LRP5: variants seen among roughly 807,000 people sequenced by gnomAD.
LRP5 encodes the protein LDL receptor related protein 5.
In LRP5, 62 loss-of-function variants were observed where a neutral mutation model predicts 154.1. That is an observed-to-expected ratio of 0.40 (90% CI 0.33 to 0.50). The LOEUF is 0.50. Ranked by LOEUF, LRP5 falls within the 20% of genes least tolerant of loss-of-function variation. The pLI is 0.55. For synonymous variants in LRP5, 966 were observed against 1,011.5 expected (o/e 0.96, Z 0.85); for missense variants, 1,915 against 2,336.7 (o/e 0.82, Z 3.72).
intron 21 of LRP5, among the ~76,000 whole-genome samples, chr11:68,446,200 G>A (rs2098681351): frequency 6.6e-6 from 1 of 152,194 alleles, no homozygotes; most frequent in African/African-American, 2.4e-5. Context: ...AAGGGCGCGG[G>A]CACCTGGGCC....
At chr11:68,390,081 A>G (rs1317300710) in intron 7 of LRP5, 29 bp downstream of exon 7, 4 of 1,612,306 alleles carry the variant, frequency 2.5e-6, no homozygotes, top group Non-Finnish European at 3.4e-6. Flanking sequence ...TGTTTGATCC[A>G]GGAGGCCAGG....
At chr11:68,382,136 C>A (rs984710437) in intron 5 of LRP5, among the ~76,000 whole-genome samples, 6 of 152,228 alleles carry the variant, frequency 3.9e-5, no homozygotes, top group African/African-American at 1.4e-4. Flanking sequence ...GTCAGAGACA[C>A]CTCCTTCGAG....
chr11:68,349,472 G>T (rs1160726790), intron 2 of LRP5, among the ~76,000 whole-genome samples: 3 of 152,346 alleles, frequency 2.0e-5, no homozygotes, highest in African/African-American at 7.2e-5. Flanking sequence ...GGTGGAATTT[G>T]CACCTTCTCC....
chr11:68,312,623 G>T lies in LRP5; in HGVS notation c.-92G>T. On this transcript the variant is annotated 5_prime_UTR_variant, in exon 1 of 23. Coordinates refer to ENST00000294304, the MANE Select transcript of LRP5 (RefSeq NM_002335.4). Reference sequence around the variant, plus strand: ...TGGTCCGCGGCGCCCGAGGGGGGAGGCGGAGGCGCCGGGAGCCGCGCGAGG... The same window carrying T: ...TGGTCCGCGGCGCCCGAGGGGGGAGTCGGAGGCGCCGGGAGCCGCGCGAGG... 2.1e-6 allele frequency: 1 copy of T among 478,630 alleles called. No homozygotes were observed. Among genetic ancestry groups the T allele is most frequent in the Non-Finnish European group, 2.7e-6 (1 of 367,254 alleles). 29.6% of individuals were successfully genotyped at this position (478,630 alleles called of 1,614,324 possible). A position where few individuals can be genotyped will look rare whatever the true frequency, so the allele number is the denominator to read the frequency against.
At chr11:68,344,803 C>T (rs2098611380) in intron 1 of LRP5, among the ~76,000 whole-genome samples, 1 of 142,020 alleles carries the variant, frequency 7.0e-6, no homozygotes, top group Non-Finnish European at 1.5e-5. Flanking sequence ...CTTAGCATAA[C>T]ATTCTTAAGT....
chr11:68,361,198 G>A (rs935866634), intron 3 of LRP5, among the ~76,000 whole-genome samples: 70 of 148,600 alleles, frequency 4.7e-4, no homozygotes, highest in African/African-American at 1.6e-3. Flanking sequence ...CCAGCTACTC[G>A]GGAGGCTGAG....
intron 9 of LRP5, among the ~76,000 whole-genome samples, chr11:68,409,339 AT>A (rs1461495488): frequency 2.3e-4 from 34 of 145,510 alleles, no homozygotes; most frequent in Non-Finnish European, 3.7e-4. Context: ...TGTAATGTAT[AT>A]TTTTTAATGT....
intron 1 of LRP5, among the ~76,000 whole-genome samples, chr11:68,335,006 A>G (rs989550117): frequency 3.3e-5 from 5 of 152,018 alleles, no homozygotes; most frequent in African/African-American, 1.2e-4. Context: ...CCTAGGGGAA[A>G]CATCGGGCTA....
intron 8 of LRP5, among the ~76,000 whole-genome samples, chr11:68,405,387 C>T (rs2098655038): frequency 6.6e-6 from 1 of 151,018 alleles, no homozygotes; most frequent in South Asian, 2.1e-4. Context: ...GGCAGGATCA[C>T]CTGAGTCTGG....
At chr11:68,433,870 A>C (rs1243351874) in intron 18 of LRP5, 32 bp downstream of exon 18, 1 of 1,595,158 alleles carries the variant, frequency 6.3e-7, no homozygotes, top group Admixed American at 1.7e-5. Flanking sequence ...CTCTGCCAAG[A>C]CCCTGGCCCT....
chr11:68,418,061 A>G (rs376454784), intron 13 of LRP5, among the ~76,000 whole-genome samples: 190 of 152,346 alleles, frequency 1.2e-3, no homozygotes, highest in African/African-American at 4.2e-3. Flanking sequence ...AGTCTGCAGC[A>G]TGGGGCACAA....
intron 2 of LRP5, among the ~76,000 whole-genome samples, chr11:68,355,534 G>C (rs1474394056): frequency 6.6e-6 from 1 of 152,182 alleles, no homozygotes; most frequent in African/African-American, 2.4e-5. Context: ...CTCCAAGCTG[G>C]TGTGGTTCCC....
rs2098662579 is a variant in LRP5, at chr11:68,416,430, G to GTC, written c.2930_2931insTC (p.Arg977SerfsTer38). 6.2e-7 allele frequency: 1 copy of GTC among 1,614,052 alleles called. No homozygotes were observed. ...CTCATCCTGCCCCTGCATGGACTGA[G>GTC]GAACGTCAAAGCCATCGACTATGAC... On this transcript the variant is annotated frameshift_variant, in exon 13 of 23. Coordinates refer to ENST00000294304, the MANE Select transcript of LRP5 (RefSeq NM_002335.4). LOFTEE classifies it high-confidence loss of function.
intron 5 of LRP5, among the ~76,000 whole-genome samples, chr11:68,379,164 G>A (rs993841139): frequency 3.3e-5 from 5 of 152,160 alleles, no homozygotes; most frequent in South Asian, 2.1e-4. Context: ...TGCAAATTCC[G>A]ACATCATTCA....
rs528928992 is a variant in LRP5, at chr11:68,411,690, C to T, written c.2503+70C>T. ...CCGGGCGTTGGCCACCTCCCAGCCT[C>T]GCCGCACATACCCTGTGGCCTGCAA... On this transcript the variant is annotated intron_variant, in intron 11 of 22. Transcript: ENST00000294304. 1.0e-4 allele frequency: 157 copies of T among 1,496,580 alleles called. 2 individuals carry two copies. In the South Asian group the frequency reaches 1.3e-3, roughly 12 times the overall value. 92.7% of individuals were successfully genotyped at this position (1,496,580 alleles called of 1,614,324 possible).
intron 5 of LRP5, among the ~76,000 whole-genome samples, chr11:68,379,902 C>G (rs1402141262): frequency 6.6e-6 from 1 of 152,194 alleles, no homozygotes; most frequent in Admixed American, 6.5e-5. Flanking sequence ...GAGGCAGAGG[C>G]AGGCAGATCA....
At chr11:68,324,493 G>T (rs567288425) in intron 1 of LRP5, among the ~76,000 whole-genome samples, 1 of 152,158 alleles carries the variant, frequency 6.6e-6, no homozygotes, top group Non-Finnish European at 1.5e-5. Context: ...ATTCTCACCC[G>T]CCCCCAGTGC....
At chr11:68,404,239 GGA>G (rs1591285415) in intron 8 of LRP5, 1 of 514,266 alleles carries the variant, frequency 1.9e-6, no homozygotes, top group East Asian at 4.1e-5. Flanking sequence ...GAGTTACACT[GGA>G]GAGAGCAGCA....
intron 5 of LRP5, among the ~76,000 whole-genome samples, chr11:68,373,790 C>T (rs2098635765): frequency 6.6e-6 from 1 of 152,254 alleles, no homozygotes; most frequent in South Asian, 2.1e-4. Flanking sequence ...CCACCGCCAT[C>T]CTCGGAAGCT....
Sources: gnomAD v4.1 joint callset for allele counts (sites outside exome capture counted in the v4.1 genomes callset) on GRCh38, gnomAD v4.1.1 for gene constraint, MANE v1.5 for transcripts, NCBI Gene and HGNC (gene_info 2026-07-23, HGNC 2026-07-21) for gene names.